NAA20: variants seen among roughly 807,000 people sequenced by gnomAD.
NAA20 encodes the protein N-alpha-acetyltransferase 20.
In NAA20, 24 loss-of-function variants were observed where a neutral mutation model predicts 23.8. That is an observed-to-expected ratio of 1.01 (90% CI 0.73 to 1.42). The LOEUF (loss-of-function observed/expected upper bound fraction) is 1.42. Among genes scored for constraint, NAA20 ranks in the 40% most tolerant of loss-of-function variants. The pLI, the probability that NAA20 is intolerant of heterozygous loss-of-function variation, is 0.00. For missense variants in NAA20, 166 were observed against 223.1 expected, an observed-to-expected ratio of 0.74 and a Z score of 1.63; for synonymous variants, 83 against 77.7, an observed-to-expected ratio of 1.07 and a Z score of -0.36.
intron 2 of NAA20, among the ~76,000 whole-genome samples, chr20:20,024,628 T>C (rs777615309): frequency 6.6e-6 from 1 of 152,226 alleles, no homozygotes; most frequent in African/African-American, 2.4e-5. Flanking sequence ...GAAAGTCCCA[T>C]AATCCAGGTG....
At chr20:20,025,847 A>C in intron 3 of NAA20, 80 bp downstream of exon 3, 1 of 930,442 alleles carries the variant, frequency 1.1e-6, no homozygotes, top group Non-Finnish European at 1.8e-6. Flanking sequence ...TAGACTGCAG[A>C]ATTGGAATAT....
intron 4 of NAA20, among the ~76,000 whole-genome samples, chr20:20,032,263 A>G (rs1195185761): frequency 6.6e-6 from 1 of 151,726 alleles, no homozygotes; most frequent in East Asian, 1.9e-4. Flanking sequence ...CTTTTAAGAA[A>G]ACGTGTTGCT....
Position 20,033,130 on chromosome 20 carries a change from T to C in NAA20, c.480T>C (p.Thr160=). The change falls in exon 6 of 6, where the codon ACT becomes ACC. Residue 160 remains threonine, a synonymous_variant. Transcript: ENST00000334982. ...TGAGGAAAGCACTTTCCAGGGATAC[T>C]GAGAAGAAATCCATCATACCATTAC... is the stretch of plus-strand genomic sequence containing the variant. ...YDMRKALSRD[T]EKKSIIPLPH... The C allele has an allele frequency of 6.2e-7, 1 of 1,613,690 alleles. No homozygotes were observed. Among genetic ancestry groups the C allele is most frequent in the Non-Finnish European group, 8.5e-7 (1 of 1,179,644 alleles).
At chr20:20,023,393 G>T (rs2043285583) in intron 2 of NAA20, among the ~76,000 whole-genome samples, 1 of 151,766 alleles carries the variant, frequency 6.6e-6, no homozygotes, top group African/African-American at 2.4e-5. Context: ...CCTGTTTCAT[G>T]CTTCACCTGT....
At chr20:20,032,160 A>G (rs1024142724) in intron 4 of NAA20, among the ~76,000 whole-genome samples, 6 of 151,934 alleles carry the variant, frequency 3.9e-5, no homozygotes, top group African/African-American at 7.3e-5. Flanking sequence ...GAAGCAAAAG[A>G]CAAAAGAATA....
intron 4 of NAA20, among the ~76,000 whole-genome samples, chr20:20,031,759 G>A (rs1464563684): frequency 1.3e-5 from 2 of 152,070 alleles, no homozygotes; most frequent in South Asian, 2.1e-4. Flanking sequence ...AATCTAAATG[G>A]CCAACCAACA....
rs755275864 is a variant in NAA20, at chr20:20,032,595, T to C, written c.393T>C (p.Tyr131=). The C allele has an allele frequency of 1.9e-6, 3 of 1,613,594 alleles. No homozygotes were observed. The highest frequency in any genetic ancestry group is 1.1e-5 in the South Asian group (1 of 90,990). The change falls in exon 5 of 6, where the codon TAT becomes TAC. Residue 131 remains tyrosine (Y), a synonymous_variant. Transcript: ENST00000334982. ...NMYKQLGYSV[Y]RTVIEYYSAS... The stretch of plus-strand genomic sequence containing the variant: ...ACAAGCAGTTGGGCTACAGTGTATA[T>C]AGGACGGTCATAGAGTACTATTCGG...
chr20:20,027,159 G>A (rs771503382), intron 4 of NAA20, among the ~76,000 whole-genome samples: 25 of 152,190 alleles, frequency 1.6e-4, no homozygotes, highest in Non-Finnish European at 3.1e-4. Context: ...AGGAATTGGT[G>A]CAATTCAGTT....
At chr20:20,028,476 T>TA (rs1331136891) in intron 4 of NAA20, among the ~76,000 whole-genome samples, 3 of 152,168 alleles carry the variant, frequency 2.0e-5, no homozygotes, top group Non-Finnish European at 2.9e-5. Flanking sequence ...TCCCAGAACT[T>TA]AAAGTATAAT....
chr20:20,032,597 G>A lies in NAA20; in HGVS notation c.395G>A (p.Arg132Lys). Residue 132 changes from arginine (R) to lysine (K), a missense_variant, in exon 5 of 6, where the codon AGG (arginine) becomes AAG (lysine). Coordinates refer to ENST00000334982, the MANE Select transcript of NAA20 (RefSeq NM_016100.5). ...AAGCAGTTGGGCTACAGTGTATATA[G>A]GACGGTCATAGAGTACTATTCGGCC... ...MYKQLGYSVYRTVIEYYSASN... is the reference protein window; with the variant it reads ...MYKQLGYSVYKTVIEYYSASN... The A allele has an allele frequency of 6.2e-7, 1 of 1,613,270 alleles. No individual in the cohort carries two copies. Among genetic ancestry groups the A allele is most frequent in the East Asian group, 2.2e-5 (1 of 44,852 alleles).
At position 20,022,312 on chromosome 20, in the gene NAA20, C is replaced by T. The variant is rs1601125013; in HGVS notation, c.54-144C>T. 13 of 674,430 alleles carry T rather than the reference C, an allele frequency of 1.9e-5. No homozygotes were observed. In the East Asian group the frequency reaches 3.5e-4, roughly 18 times the overall value. The allele number at this position is 674,430 out of a possible 1,614,324, so 41.8% of individuals were successfully genotyped here. ...GCTATTAGGTAGATTAAATCATCTGCCTCAGCCCTAAAGTTGGCCTTAAAG... is the reference window on the plus strand; with the variant it reads ...GCTATTAGGTAGATTAAATCATCTGTCTCAGCCCTAAAGTTGGCCTTAAAG... On this transcript the variant is annotated intron_variant, in intron 1 of 5. Transcript: ENST00000334982.
At chr20:20,022,705 C>G in intron 2 of NAA20, 1 of 443,950 alleles carries the variant, frequency 2.3e-6, no homozygotes, top group Non-Finnish European at 4.0e-6. Context: ...AAATCTGTAA[C>G]ATCATAGCTC....
At position 20,033,168 on chromosome 20, in the gene NAA20, G is replaced by C. The variant is rs1431938799; in HGVS notation, c.518G>C (p.Arg173Thr). Residue 173 changes from arginine (R) to threonine (T), a missense_variant, in exon 6 of 6, where the codon AGG becomes ACG. Transcript: ENST00000334982. Reference protein sequence around the residue: ...KSIIPLPHPVRPEDIE With the variant: ...KSIIPLPHPVTPEDIE ...ATCATACCATTACCTCATCCTGTGA[G>C]GCCTGAAGACATTGAATAACCCTGG... 6.2e-7 allele frequency: 1 copy of C among 1,612,978 alleles called. No individual in the cohort carries two copies. The highest frequency in any genetic ancestry group is 2.2e-5 in the East Asian group (1 of 44,866).
intron 1 of NAA20, chr20:20,018,318 A>C (rs1234598003): frequency 1.9e-6 from 1 of 519,006 alleles, no homozygotes; most frequent in Non-Finnish European, 3.5e-6. Flanking sequence ...TCTGCAGTTA[A>C]CATTTTGCTA....
rs1394217379 is a variant in NAA20 at position 20,018,123 on chromosome 20, T to C, written c.53+674T>C. 2.5e-6 allele frequency: 4 copies of C among 1,596,082 alleles called. No homozygotes were observed. In the African/African-American group the frequency reaches 4.0e-5, roughly 16 times the overall value. On this transcript the variant is annotated intron_variant, in intron 1 of 5. Coordinates refer to ENST00000334982, the MANE Select transcript of NAA20 (RefSeq NM_016100.5). ...CTCTGTGAGGAGTCACGGCAGATCT[T>C]AGGGGAGGCTCGCTGTGCCCAGAGC...
Position 20,022,451 on chromosome 20 carries a change from T to C in NAA20, c.54-5T>C. On this transcript the variant is annotated splice_polypyrimidine_tract_variant and splice_region_variant and intron_variant, in intron 1 of 5. Transcript: ENST00000334982. ...TACTAGAGACATTTCTCTTGTTTCT[T>C]TCAGTAACTTGGATCCACTTACAGA... The C allele has an allele frequency of 6.3e-7, 1 of 1,589,534 alleles. No individual in the cohort carries two copies. Among genetic ancestry groups the C allele is most frequent in the Non-Finnish European group, 8.5e-7 (1 of 1,171,424 alleles).
chr20:20,032,700 C>G, intron 5 of NAA20, 47 bp downstream of exon 5: 4 of 1,522,150 alleles, frequency 2.6e-6, no homozygotes, highest in Non-Finnish European at 3.5e-6. Context: ...GAAACAGTTA[C>G]ATTCTTTCTA....
chr20:20,023,698 A>G (rs540448142), intron 2 of NAA20, among the ~76,000 whole-genome samples: 5 of 152,334 alleles, frequency 3.3e-5, no homozygotes, highest in African/African-American at 9.6e-5. Flanking sequence ...ATAGGAGCTT[A>G]ATGAACGTGT....
upstream of NAA20, chr20:20,017,321 G>A (rs1337155499): frequency 4.4e-6 from 7 of 1,587,514 alleles, no homozygotes; most frequent in Non-Finnish European, 5.1e-6. Flanking sequence ...GTTCCGCGGC[G>A]GCCACGCTCC....
Sources: gnomAD v4.1 joint callset for allele counts (sites outside exome capture counted in the v4.1 genomes callset) on GRCh38, gnomAD v4.1.1 for gene constraint, MANE v1.5 for transcripts, NCBI Gene and HGNC (gene_info 2026-07-23, HGNC 2026-07-21) for gene names.